The following PHLDB2 variants were observed in gnomAD, a reference collection of about 807,000 sequenced individuals.
The protein encoded by PHLDB2 is pleckstrin homology like domain family B member 2.
Under a neutral mutation model 123.6 loss-of-function variants are expected in PHLDB2, and 71 were observed. The ratio of observed to expected loss-of-function variants is 0.57; its 90% CI spans 0.47 to 0.70. PHLDB2 has a LOEUF of 0.70. Among genes scored for constraint, PHLDB2 ranks in the 30% least tolerant of loss-of-function variants. The pLI, the probability that PHLDB2 is intolerant of heterozygous loss-of-function variation, is 0.00. For synonymous variants in PHLDB2, 547 were observed against 541.6 expected, an observed-to-expected ratio of 1.01 and a Z score of -0.14; for missense variants, 1,446 against 1,519.5, an observed-to-expected ratio of 0.95 and a Z score of 0.80.
intron 2 of PHLDB2, among the ~76,000 whole-genome samples, chr3:111,849,171 T>TTTTG (rs1224504846): frequency 1.3e-5 from 2 of 152,122 alleles, no homozygotes; most frequent in African/African-American, 4.8e-5. Context: ...TTTGTTTCTT[T>TTTTG]TTTGTTTGTT....
chr3:111,881,613 A>G (rs1437454628), intron 1 of PHLDB2, among the ~76,000 whole-genome samples: 2 of 152,112 alleles, frequency 1.3e-5, no homozygotes, highest in African/African-American at 4.8e-5. Context: ...ATGATATAAT[A>G]TCATATTTTT....
At chr3:111,851,194 T>TTA (rs781007894) in intron 2 of PHLDB2, among the ~76,000 whole-genome samples, 1 of 103,658 alleles carries the variant, frequency 9.6e-6, no homozygotes, top group Non-Finnish European at 1.9e-5. Context: ...GATTCTGTCT[T>TTA]AAAAAAAAAA....
intron 1 of PHLDB2, among the ~76,000 whole-genome samples, chr3:111,879,707 CCTT>C (rs1040669539): frequency 2.6e-5 from 4 of 152,070 alleles, no homozygotes; most frequent in Non-Finnish European, 5.9e-5. Flanking sequence ...TGGGACCAAT[CCTT>C]CTTCAGCCAT....
At chr3:111,900,122 G>T (rs1445667720) in intron 2 of PHLDB2, among the ~76,000 whole-genome samples, 1 of 152,218 alleles carries the variant, frequency 6.6e-6, no homozygotes, top group Admixed American at 6.5e-5. Context: ...ACTGAAGAGA[G>T]TTAGGGCCTT....
At chr3:111,813,083 A>T (rs2061914691) in intron 1 of PHLDB2, among the ~76,000 whole-genome samples, 1 of 152,354 alleles carries the variant, frequency 6.6e-6, no homozygotes, top group East Asian at 1.9e-4. Flanking sequence ...GGTAGTTTGT[A>T]GCATGTTTAA....
intron 2 of PHLDB2, among the ~76,000 whole-genome samples, chr3:111,911,014 G>C (rs1355775134): frequency 6.6e-6 from 1 of 152,224 alleles, no homozygotes; most frequent in African/African-American, 2.4e-5. Context: ...CTGTTCACAA[G>C]CCTTTGAATA....
chr3:111,868,203 A>G (rs1018363467), intron 1 of PHLDB2, among the ~76,000 whole-genome samples: 7 of 151,932 alleles, frequency 4.6e-5, no homozygotes, highest in Admixed American at 3.9e-4. Context: ...AAATTTCTGT[A>G]GAGATGGGGT....
Position 111,832,658 on chromosome 3 carries a change from T to C in PHLDB2, c.-48-13163T>C, listed in dbSNP as rs1350629554. Among the ~76,000 whole-genome samples, 9 of 129,476 alleles carry C rather than the reference T, an allele frequency of 7.0e-5. 3 individuals carry two copies. The highest frequency in any genetic ancestry group is 1.5e-4 in the African/African-American group (5 of 32,924). The allele number at this position is 129,476 out of a possible 152,430, so 84.9% of individuals were successfully genotyped here. A position where few individuals can be genotyped will look rare whatever the true frequency, so the allele number is the denominator to read the frequency against. ...AAAATGTAAATAATGCCATTATACA[T>C]ATAATATATATAATAGAATTATACA... On this transcript the variant is annotated intron_variant, in intron 1 of 17. Transcript: ENST00000393923.
intron 2 of PHLDB2, among the ~76,000 whole-genome samples, chr3:111,910,734 T>A (rs1355339720): frequency 6.6e-6 from 1 of 152,250 alleles, no homozygotes; most frequent in African/African-American, 2.4e-5. Context: ...AATTATCTTA[T>A]GACAGTAATT....
chr3:111,947,472 CCTT>C (rs2070392169), intron 9 of PHLDB2, among the ~76,000 whole-genome samples: 1 of 152,048 alleles, frequency 6.6e-6, no homozygotes, highest in Admixed American at 6.6e-5. Context: ...CATTCTCTCT[CCTT>C]TTTCTTTTTT....
In PHLDB2 at chr3:111,777,750, A is replaced by G. The variant is rs535833535; in HGVS notation, c.-49+45047A>G. ...ACAATAAAAAAGAATTAGCAGTCCT[A>G]TCACATGAGCTGAATTTCATCTGAT... On this transcript the variant is annotated intron_variant, in intron 1 of 17. Transcript: ENST00000393923. Among the ~76,000 whole-genome samples, 9 of 152,278 alleles carry G rather than the reference A, an allele frequency of 5.9e-5. No individual in the cohort carries two copies. In the East Asian group the frequency reaches 1.7e-3, roughly 29 times the overall value.
intron 1 of PHLDB2, among the ~76,000 whole-genome samples, chr3:111,795,999 C>A (rs1319973095): frequency 6.6e-6 from 1 of 152,136 alleles, no homozygotes; most frequent in African/African-American, 2.4e-5. Flanking sequence ...TGAGTTCAAG[C>A]GACTCTCCTG....
In PHLDB2 at chr3:111,766,784, A is replaced by G. The variant is rs555726617; in HGVS notation, c.-49+34081A>G. Among the ~76,000 whole-genome samples, 26 of 151,896 alleles carry G rather than the reference A, an allele frequency of 1.7e-4. No homozygotes were observed. In the South Asian group the frequency reaches 5.2e-3, roughly 30 times the overall value. On this transcript the variant is annotated intron_variant, in intron 1 of 17. Transcript: ENST00000393923. ...GCAGTGGCTCATGCCTGTAATCCCA[A>G]CACTCTGGGAGGCCAAGGCAGGTGA...
rs1388165242 is a variant in PHLDB2 at position 111,887,340 on chromosome 3, G to T, written c.1335+1928G>T. Among the ~76,000 whole-genome samples the T allele has an allele frequency of 2.0e-5, 3 of 152,176 alleles. 1 individual carries two copies. Among genetic ancestry groups the T allele is most frequent in the Admixed American group, 2.0e-4 (3 of 15,276 alleles). On this transcript the variant is annotated intron_variant, in intron 2 of 17. Transcript: ENST00000431670. ...GTGGGCGTATCGTATTTGTTGAAATGAGGCTTATTTTTAAATTTGACACTC... is the reference window on the plus strand; with the variant it reads ...GTGGGCGTATCGTATTTGTTGAAATTAGGCTTATTTTTAAATTTGACACTC...
intron 2 of PHLDB2, among the ~76,000 whole-genome samples, chr3:111,897,751 C>T (rs1046431184): frequency 6.6e-6 from 1 of 152,126 alleles, no homozygotes; most frequent in African/African-American, 2.4e-5. Context: ...CATCAGATCA[C>T]GAAGACCAAG....
At chr3:111,746,215 C>G (rs150534591) in intron 1 of PHLDB2, among the ~76,000 whole-genome samples, 24 of 152,264 alleles carry the variant, frequency 1.6e-4, no homozygotes, top group African/African-American at 5.1e-4. Context: ...CTCTTCCAGC[C>G]CTTCCAATGC....
intron 1 of PHLDB2, among the ~76,000 whole-genome samples, chr3:111,752,307 C>T (rs1315810351): frequency 6.6e-6 from 1 of 151,976 alleles, no homozygotes; most frequent in Non-Finnish European, 1.5e-5. Flanking sequence ...TCCTACTAAA[C>T]TCTAAAATTC....
intron 1 of PHLDB2, among the ~76,000 whole-genome samples, chr3:111,871,722 A>T (rs908002777): frequency 1.3e-5 from 2 of 152,194 alleles, no homozygotes; most frequent in African/African-American, 4.8e-5. Context: ...TGAAACTCTG[A>T]TCCCTACAGT....
intron 1 of PHLDB2, among the ~76,000 whole-genome samples, chr3:111,809,760 A>T (rs954715002): frequency 6.6e-5 from 10 of 152,238 alleles, no homozygotes; most frequent in Non-Finnish European, 8.8e-5. Context: ...CTTTAAATTA[A>T]GTTTATCAGC....
Sources: allele counts gnomAD v4.1 joint callset (sites outside exome capture counted in the v4.1 genomes callset), GRCh38; gene constraint gnomAD v4.1.1; transcripts MANE v1.5; gene names NCBI Gene and HGNC (gene_info 2026-07-23, HGNC 2026-07-21).